Variants in BIVM observed in about 807,000 individuals in gnomAD.
The protein encoded by BIVM is basic, immunoglobulin-like variable motif containing.
Under a neutral mutation model 61.4 loss-of-function variants are expected in BIVM, and 31 were observed. That is an observed-to-expected ratio of 0.51 (90% confidence interval 0.38 to 0.68). BIVM has a LOEUF of 0.68. BIVM is among the 30% of genes least tolerant of loss of function. BIVM has a pLI of 0.00. For synonymous variants in BIVM, 189 were observed against 210.7 expected (o/e 0.90, Z 0.89); for missense variants, 526 against 596.0 (o/e 0.88, Z 1.22).
rs1478549164 is a variant in BIVM, at chr13:102,840,674, ACT to A, written c.*812_*813del. 6 of 125,944 alleles carry A rather than the reference ACT, an allele frequency of 4.8e-5. No individual in the cohort carries two copies. Among genetic ancestry groups the A allele is most frequent in the Admixed American group, 3.5e-4 (4 of 11,446 alleles). The allele number at this position is 125,944 out of a possible 1,614,324, so 7.8% of individuals were successfully genotyped here. The stretch of plus-strand genomic sequence containing the variant: ...ACTCCAGCCTGGGCGACAGGGCAAG[ACT>A]CTGTCTCAAAAAAAAAAAAAAAAAA... On this transcript the variant is annotated 3_prime_UTR_variant, in exon 11 of 11. Transcript: ENST00000257336.
chr13:102,802,338 A>G (rs924111162), intron 1 of BIVM, among the ~76,000 whole-genome samples: 11 of 152,208 alleles, frequency 7.2e-5, no homozygotes, highest in Non-Finnish European at 1.0e-4. Context: ...GCATGCAATA[A>G]TAGAAGCCCC....
Position 102,821,042 on chromosome 13 carries a change from G to A in BIVM, c.611G>A (p.Cys204Tyr). Reference sequence around the variant, plus strand: ...ACAGTCTTTTGTGTTCTCAGGTACTGCATAAGCCGACCACAGTATAAGACT... The same window carrying A: ...ACAGTCTTTTGTGTTCTCAGGTACTACATAAGCCGACCACAGTATAAGACT... ...RKVLDLRRWY[C>Y]ISRPQYKTSC... is the part of the protein sequence containing the mutation. The change falls in exon 5 of 11, where the codon TGC becomes TAC. Residue 204 changes from cysteine (C) to tyrosine (Y), a missense_variant. Physicochemically the swap from Cys to Tyr is radical, Grantham distance 194. Coordinates refer to ENST00000257336, the MANE Select transcript of BIVM (RefSeq NM_017693.4). The A allele has an allele frequency of 6.2e-7, 1 of 1,611,638 alleles. No individual in the cohort carries two copies. The highest frequency in any genetic ancestry group is 8.5e-7 in the Non-Finnish European group (1 of 1,179,462).
In BIVM at chr13:102,807,632, A is replaced by G; in HGVS notation, c.365A>G (p.Asn122Ser). Residue 122 changes from asparagine to serine, a missense_variant, in exon 3 of 11, where the codon AAT (asparagine) becomes AGT (serine). Asn to Ser is a conservative substitution (Grantham distance 46). Coordinates refer to ENST00000257336, the MANE Select transcript of BIVM (RefSeq NM_017693.4). The surrounding 1 kb of genome is among the most constrained non-coding windows in gnomAD (Gnocchi z 4.0). ...IPTSTSEIIYNEENSLENLSN... is the reference protein window; with the variant it reads ...IPTSTSEIIYSEENSLENLSN... The stretch of plus-strand genomic sequence containing the variant: ...ACTAGTACATCGGAAATTATCTACA[A>G]TGAAGAAAATAGCTTGGAAAACTTA... The G allele has an allele frequency of 2.5e-6, 4 of 1,614,220 alleles. No homozygotes were observed. Among genetic ancestry groups the G allele is most frequent in the African/African-American group, 1.3e-5 (1 of 75,070 alleles).
At chr13:102,804,850 GCT>G (rs376159614) in intron 1 of BIVM, among the ~76,000 whole-genome samples, 231 of 152,330 alleles carry the variant, frequency 1.5e-3, no homozygotes, top group African/African-American at 5.3e-3. Context: ...CTAATATGCA[GCT>G]CTGTTTCCTT....
intron 10 of BIVM, 36 bp from the exon 11 acceptor site, chr13:102,839,536 C>A: frequency 6.2e-7 from 1 of 1,605,904 alleles, no homozygotes; most frequent in Non-Finnish European, 8.5e-7. Flanking sequence ...ATTAATTTCC[C>A]TTTATTTTCT....
At chr13:102,805,081 A>G (rs912918489) in intron 1 of BIVM, among the ~76,000 whole-genome samples, 2 of 152,204 alleles carry the variant, frequency 1.3e-5, no homozygotes, top group Non-Finnish European at 2.9e-5. Flanking sequence ...AGAGATATTA[A>G]CTGGTAAAAG....
intron 3 of BIVM, among the ~76,000 whole-genome samples, chr13:102,809,787 C>CTTTCT (rs1555321180): frequency 3.1e-5 from 4 of 127,300 alleles, no homozygotes; most frequent in East Asian, 2.4e-4. Context: ...TCTTTTCTTT[C>CTTTCT]TTTTTTTTTT....
chr13:102,825,135 T>C (rs9518849), intron 7 of BIVM, among the ~76,000 whole-genome samples: 52,380 of 151,830 alleles, frequency 0.34, 9,242 homozygotes, highest in East Asian at 0.44. Context: ...TTAGTAGAGA[T>C]GGGGTTTCAC....
Position 102,834,502 on chromosome 13 carries a change from G to A in BIVM, c.1071G>A (p.Trp357Ter), listed in dbSNP as rs763371868. ...GPLSPQEVEY[W>*]ILIGESSRKH... ...TCTCACCACAGGAAGTTGAATATTG[G>A]ATCTTAATTGGAGAATCAAGTAGAA... The change falls in exon 9 of 11, where the codon TGG (tryptophan) becomes TGA (stop). Residue 357 changes from tryptophan to a stop codon, truncating the protein, a stop_gained. Transcript: ENST00000257336. LOFTEE classifies it high-confidence loss of function. The A allele has an allele frequency of 1.9e-6, 3 of 1,594,670 alleles. No homozygotes were observed. The Admixed American group carries it at 5.5e-5, about 29-fold the overall frequency.
At chr13:102,826,421 C>T (rs1039774640) in intron 7 of BIVM, among the ~76,000 whole-genome samples, 2 of 152,212 alleles carry the variant, frequency 1.3e-5, no homozygotes, top group African/African-American at 4.8e-5. Context: ...TTCAACTTTA[C>T]ATCTTAGCAG....
At chr13:102,833,523 A>G (rs1881267730) in intron 8 of BIVM, among the ~76,000 whole-genome samples, 1 of 151,840 alleles carries the variant, frequency 6.6e-6, no homozygotes, top group African/African-American at 2.4e-5. Flanking sequence ...GGGTTTCACC[A>G]TGTTACCCAG....
intron 3 of BIVM, among the ~76,000 whole-genome samples, chr13:102,814,806 G>A (rs1440756960): frequency 6.6e-6 from 1 of 152,178 alleles, no homozygotes; most frequent in Admixed American, 6.5e-5. Context: ...CATTTTGTGA[G>A]GCTGAGGCAG....
Position 102,839,952 on chromosome 13 carries a change from T to A in BIVM, c.*87T>A. 7.4e-7 allele frequency: 1 copy of A among 1,351,728 alleles called. No homozygotes were observed. The allele number at this position is 1,351,728 out of a possible 1,614,324, so 83.7% of individuals were successfully genotyped here. On this transcript the variant is annotated 3_prime_UTR_variant, in exon 11 of 11. Coordinates refer to ENST00000257336, the MANE Select transcript of BIVM (RefSeq NM_017693.4). ...AGACAGTAGAAGATTTTAGTAAGCC[T>A]ACATTAAATAGGAGCAGATCTTGTG...
chr13:102,810,476 A>G (rs1328789402), intron 3 of BIVM, among the ~76,000 whole-genome samples: 34 of 152,218 alleles, frequency 2.2e-4, no homozygotes, highest in Admixed American at 2.2e-3. Context: ...GGAGAATTTA[A>G]TCCATTTACA....
intron 3 of BIVM, among the ~76,000 whole-genome samples, chr13:102,810,020 G>A (rs1474917730): frequency 2.0e-5 from 3 of 152,092 alleles, no homozygotes; most frequent in African/African-American, 4.8e-5. Flanking sequence ...TGATCCGCCC[G>A]CCTCGGCCTC....
At chr13:102,816,739 G>A (rs1157723928) in intron 4 of BIVM, 185 bp downstream of exon 4, 3 of 504,722 alleles carry the variant, frequency 5.9e-6, no homozygotes, top group Non-Finnish European at 8.5e-6. Flanking sequence ...AATGAGTTAT[G>A]CTGGTCTTTC....
At position 102,807,890 on chromosome 13, in the gene BIVM, A is replaced by T; in HGVS notation, c.478+145A>T. ...TCATCTTGTCTGTCAATGTAGTTTT[A>T]GGAAAGTAACCTTGACGTAGGGCAT... On this transcript the variant is annotated intron_variant, in intron 3 of 10. Coordinates refer to ENST00000257336, the MANE Select transcript of BIVM (RefSeq NM_017693.4). This position sits in a 1 kb window ranked among gnomAD's most constrained non-coding sequence, Gnocchi z 4.0. 3.0e-6 allele frequency: 3 copies of T among 989,096 alleles called. No individual in the cohort carries two copies. Among genetic ancestry groups the T allele is most frequent in the Non-Finnish European group, 4.3e-6 (3 of 696,156 alleles). 61.3% of individuals were successfully genotyped at this position (989,096 alleles called of 1,614,324 possible).
chr13:102,821,194 T>G (rs759900997), intron 5 of BIVM, 62 bp downstream of exon 5: 48 of 1,433,624 alleles, frequency 3.3e-5, no homozygotes, highest in Middle Eastern at 2.4e-4. Context: ...GCTTTTTCTA[T>G]AACAGAAAAA....
chr13:102,817,591 C>T lies in BIVM; in HGVS notation c.605+1037C>T, dbSNP rs528383913. Among the ~76,000 whole-genome samples the T allele has an allele frequency of 7.2e-5, 11 of 152,210 alleles. No individual in the cohort carries two copies. In the South Asian group the frequency reaches 2.3e-3, roughly 32 times the overall value. ...ATAGCCAGGTTCCATCAGCTTTTTA[C>T]CTTATGGTTTTAGCCAAATGTATTG... is the stretch of plus-strand genomic sequence containing the variant. On this transcript the variant is annotated intron_variant, in intron 4 of 10. Coordinates refer to ENST00000257336, the MANE Select transcript of BIVM (RefSeq NM_017693.4).
Sources: gnomAD v4.1 joint callset for allele counts (sites outside exome capture counted in the v4.1 genomes callset) on GRCh38, gnomAD v4.1.1 for gene constraint, Gnocchi (gnomAD v3.1) non-coding constraint, MANE v1.5 for transcripts, NCBI Gene and HGNC (gene_info 2026-07-23, HGNC 2026-07-21) for gene names.